Variants in NFIX observed in about 807,000 individuals in gnomAD.
The protein encoded by NFIX is nuclear factor 1 X-type.
A neutral mutation model predicts 53.3 loss-of-function variants in NFIX; 2 were observed. The ratio of observed to expected loss-of-function variants is 0.04; its 90% CI spans 0.02 to 0.12. The LOEUF (loss-of-function observed/expected upper bound fraction) is 0.12, where lower values mean the gene tolerates loss of function less well. Ranked by LOEUF, NFIX falls within the 10% of genes least tolerant of loss-of-function variation. The pLI is 1.00. For missense variants in NFIX, 310 were observed against 674.5 expected (o/e 0.46, Z 5.99); for synonymous variants, 244 against 289.0 (o/e 0.84, Z 1.58).
Position 13,022,089 on chromosome 19 carries a change from G to T in NFIX, c.28-2932G>T, listed in dbSNP as rs1423284377. ...GAATTAAATGCCTGTGCAGTGGTGA[G>T]GGGCGTTGGTCAGATTCCTTGCCTC... On this transcript the variant is annotated intron_variant, in intron 1 of 10. Coordinates refer to ENST00000592199, the MANE Select transcript of NFIX (RefSeq NM_001365902.3). The surrounding 1 kb of genome is among the most constrained non-coding windows in gnomAD (Gnocchi z 4.5). Among the ~76,000 whole-genome samples, 2 of 152,186 alleles carry T rather than the reference G, an allele frequency of 1.3e-5. No homozygotes were observed. Among genetic ancestry groups the T allele is most frequent in the African/African-American group, 4.8e-5 (2 of 41,438 alleles).
At position 13,095,637 on chromosome 19, in the gene NFIX, G is replaced by T; in HGVS notation, c.*988G>T. On this transcript the variant is annotated 3_prime_UTR_variant, in exon 11 of 11. Coordinates refer to ENST00000592199, the MANE Select transcript of NFIX (RefSeq NM_001365902.3). The stretch of plus-strand genomic sequence containing the variant: ...TCATGCAGACTGCCCTGCTGGGGCC[G>T]GGCCGGAGGGTGGAGCAGAAAGGGG... The T allele has an allele frequency of 6.6e-6, 1 of 152,520 alleles. No individual in the cohort carries two copies. The allele number at this position is 152,520 out of a possible 1,614,324, so 9.4% of individuals were successfully genotyped here.
In NFIX at chr19:13,078,672, G is replaced by A. The variant is rs1183871503; in HGVS notation, c.1015G>A (p.Gly339Ser). The A allele has an allele frequency of 6.3e-7, 1 of 1,599,552 alleles. No homozygotes were observed. Among genetic ancestry groups the A allele is most frequent in the South Asian group, 1.1e-5 (1 of 88,000 alleles). Residue 339 changes from glycine (G) to serine (S), a missense_variant, in exon 7 of 11, where the codon GGC becomes AGC. Physicochemically the swap from Gly to Ser is moderately conservative, Grantham distance 56 (BLOSUM62 0). Coordinates refer to ENST00000592199, the MANE Select transcript of NFIX (RefSeq NM_001365902.3). This position sits in a 1 kb window ranked among gnomAD's most constrained non-coding sequence, Gnocchi z 4.7. ...LDFCSALSSQ[G>S]SSPRMAFTHH... ...CTTCTGCAGTGCCCTCTCCTCTCAG[G>A]GCAGCTCCCCGCGCATGGCTTTCAC...
At chr19:13,054,341 C>T (rs979834991) in intron 2 of NFIX, among the ~76,000 whole-genome samples, 16 of 152,222 alleles carry the variant, frequency 1.1e-4, no homozygotes, top group African/African-American at 3.9e-4. Flanking sequence ...GGCTATCAGG[C>T]AGATTCAATG....
intron 2 of NFIX, among the ~76,000 whole-genome samples, chr19:13,041,015 GTCC>G (rs2145266537): frequency 6.6e-6 from 1 of 152,286 alleles, no homozygotes; most frequent in African/African-American, 2.4e-5. Flanking sequence ...CCCCTCTGAA[GTCC>G]TCCTTGTTCA....
chr19:13,058,962 CG>C (rs1226565270), intron 2 of NFIX, among the ~76,000 whole-genome samples: 1 of 152,096 alleles, frequency 6.6e-6, no homozygotes, highest in Non-Finnish European at 1.5e-5. Context: ...CACTCTTCCC[CG>C]GAGCCACCGT....
Position 12,996,771 on chromosome 19 carries a change from G to A in NFIX, c.27+907G>A, listed in dbSNP as rs1478751852. On this transcript the variant is annotated intron_variant, in intron 1 of 10. Coordinates refer to ENST00000592199, the MANE Select transcript of NFIX (RefSeq NM_001365902.3). This position sits in a 1 kb window ranked among gnomAD's most constrained non-coding sequence, Gnocchi z 5.2. ...GGCCACACCGTCGGGTCAGCCTCGG[G>A]CACAACAGCGCCGACCTTGGCGCGT... Among the ~76,000 whole-genome samples, 2 of 152,252 alleles carry A rather than the reference G, an allele frequency of 1.3e-5. No individual in the cohort carries two copies. Among genetic ancestry groups the A allele is most frequent in the Admixed American group, 1.3e-4 (2 of 15,288 alleles).
At chr19:13,024,822 C>T in intron 1 of NFIX, 199 bp from the exon 2 acceptor site, 1 of 1,359,892 alleles carries the variant, frequency 7.4e-7, no homozygotes, top group Non-Finnish European at 1.0e-6. Flanking sequence ...GCTGGCGAAG[C>T]TGGTGGTGGC....
intron 2 of NFIX, among the ~76,000 whole-genome samples, chr19:13,069,398 G>A (rs1322852316): frequency 2.0e-5 from 3 of 152,208 alleles, no homozygotes; most frequent in Non-Finnish European, 2.9e-5. Context: ...ATGAAAGATG[G>A]AGCCCGGCAC....
Position 13,049,849 on chromosome 19 carries a change from C to T in NFIX, c.560-23198C>T, listed in dbSNP as rs7254169. Among the ~76,000 whole-genome samples the T allele has an allele frequency of 3.4e-3, 525 of 152,322 alleles. 6 individuals carry two copies. Among genetic ancestry groups the T allele is most frequent in the African/African-American group, 0.012 (509 of 41,566 alleles). Reference sequence around the variant, plus strand: ...TCTCGTGATCCGCTCACCTCGGCCTCCCAAAGTGTTGGGATTACAGGCGAG... The same window carrying T: ...TCTCGTGATCCGCTCACCTCGGCCTTCCAAAGTGTTGGGATTACAGGCGAG... On this transcript the variant is annotated intron_variant, in intron 2 of 10. Transcript: ENST00000592199. The surrounding 1 kb of genome is among the most constrained non-coding windows in gnomAD (Gnocchi z 4.5).
chr19:13,069,183 G>A (rs1433247462), intron 2 of NFIX, among the ~76,000 whole-genome samples: 3 of 152,178 alleles, frequency 2.0e-5, no homozygotes, highest in Admixed American at 1.3e-4. Flanking sequence ...TCCAGGGAGC[G>A]CTGGGAGCCA....
chr19:13,034,211 T>G (rs1282107918), intron 2 of NFIX, among the ~76,000 whole-genome samples: 1 of 152,172 alleles, frequency 6.6e-6, no homozygotes, highest in African/African-American at 2.4e-5. Context: ...TCTCTGTCAC[T>G]CTCTAGAAGA....
At chr19:13,007,626 T>C (rs1164334225) in intron 1 of NFIX, among the ~76,000 whole-genome samples, 1 of 151,706 alleles carries the variant, frequency 6.6e-6, no homozygotes, top group Non-Finnish European at 1.5e-5. Context: ...AGAGCTGGAG[T>C]GGGGGAACCA....
chr19:13,020,290 T>C (rs2012899739), intron 1 of NFIX, among the ~76,000 whole-genome samples: 1 of 152,210 alleles, frequency 6.6e-6, no homozygotes, highest in Admixed American at 6.5e-5. Flanking sequence ...TCTGGGCTGA[T>C]GGCCGCCACC....
At chr19:13,092,411 A>C (rs2018196876) in intron 10 of NFIX, among the ~76,000 whole-genome samples, 1 of 152,044 alleles carries the variant, frequency 6.6e-6, no homozygotes, top group Non-Finnish European at 1.5e-5. Context: ...CTTTGTCCCT[A>C]ACTCCAGACC....
intron 2 of NFIX, among the ~76,000 whole-genome samples, chr19:13,063,991 A>G (rs2016247947): frequency 6.6e-6 from 1 of 152,106 alleles, no homozygotes; most frequent in African/African-American, 2.4e-5. Context: ...GGGCAGCTCA[A>G]AGGGCCAGAA....
intron 2 of NFIX, among the ~76,000 whole-genome samples, chr19:13,031,308 C>T (rs1253677320): frequency 1.3e-5 from 2 of 152,114 alleles, no homozygotes; most frequent in South Asian, 2.1e-4. Context: ...AGCAAAGCGC[C>T]GACCGTGAAC....
In NFIX at chr19:13,073,943, G is replaced by A. The variant is rs2016917958; in HGVS notation, c.735G>A (p.Leu245=). Residue 245 remains leucine (L), a synonymous_variant, in exon 5 of 11, where the codon CTG becomes CTA. Coordinates refer to ENST00000592199, the MANE Select transcript of NFIX (RefSeq NM_001365902.3). The surrounding 1 kb of genome is among the most constrained non-coding windows in gnomAD (Gnocchi z 4.5). ...VATASGPNFS[L]ADLESPSYYN... is the part of the protein sequence containing the mutation. ...CAGCATCAGGGCCCAACTTCTCCCTGGCGGACCTGGAGAGTCCCAGCTACT... is the reference window on the plus strand; with the variant it reads ...CAGCATCAGGGCCCAACTTCTCCCTAGCGGACCTGGAGAGTCCCAGCTACT... The A allele has an allele frequency of 9.3e-6, 15 of 1,613,946 alleles. No homozygotes were observed. Among genetic ancestry groups the A allele is most frequent in the Non-Finnish European group, 1.2e-5 (14 of 1,179,892 alleles).
At chr19:13,050,467 C>T (rs977352722) in intron 2 of NFIX, among the ~76,000 whole-genome samples, 1 of 152,240 alleles carries the variant, frequency 6.6e-6, no homozygotes, top group African/African-American at 2.4e-5. Context: ...CACCAGCTTT[C>T]AGCTGCAGGG....
chr19:13,000,705 G>A (rs1321488910), intron 1 of NFIX, among the ~76,000 whole-genome samples: 2 of 152,178 alleles, frequency 1.3e-5, no homozygotes, highest in African/African-American at 4.8e-5. Context: ...GCATCTAGAT[G>A]ATGACTTCAG....
Sources: allele counts gnomAD v4.1 joint callset (sites outside exome capture counted in the v4.1 genomes callset), GRCh38; gene constraint gnomAD v4.1.1; non-coding constraint Gnocchi (gnomAD v3.1); transcripts MANE v1.5; gene names NCBI Gene and HGNC (gene_info 2026-07-23, HGNC 2026-07-21).